The following PRKG1 variants were observed in gnomAD, a reference collection of about 807,000 sequenced individuals.
The protein encoded by PRKG1 is cGMP-dependent protein kinase 1.
Under a neutral mutation model 88.1 loss-of-function variants are expected in PRKG1, and 35 were observed. The observed-to-expected ratio is 0.40, with a 90% CI of 0.30 to 0.53. The LOEUF is 0.53. PRKG1 is among the 20% of genes least tolerant of loss of function. PRKG1 has a pLI of 0.59. For synonymous variants in PRKG1, 303 were observed against 292.5 expected (o/e 1.04, Z -0.37); for missense variants, 540 against 839.8 (o/e 0.64, Z 4.41).
At chr10:51,549,120 CTTTT>C (rs56045527) in intron 3 of PRKG1, among the ~76,000 whole-genome samples, 4 of 70,336 alleles carry the variant, frequency 5.7e-5, no homozygotes, top group Admixed American at 1.8e-4. Flanking sequence ...CTTTTCTTTT[CTTTT>C]TTTTTTTTTT....
intron 7 of PRKG1, among the ~76,000 whole-genome samples, chr10:52,121,270 T>A (rs1847814063): frequency 6.6e-6 from 1 of 152,282 alleles, no homozygotes; most frequent in South Asian, 2.1e-4. Context: ...CCTGAACATA[T>A]CTGAAATGCC....
At chr10:51,886,543 T>TA (rs1364889543) in intron 4 of PRKG1, among the ~76,000 whole-genome samples, 1 of 152,182 alleles carries the variant, frequency 6.6e-6, no homozygotes, top group African/African-American at 2.4e-5. Flanking sequence ...TCATTGAAGA[T>TA]ACAAGCTAAA....
intron 9 of PRKG1, among the ~76,000 whole-genome samples, chr10:52,212,454 A>G (rs1046967715): frequency 6.6e-6 from 1 of 152,328 alleles, no homozygotes. Flanking sequence ...TGTAACTACC[A>G]TCACAAACTT....
chr10:51,246,089 C>A lies in PRKG1; in HGVS notation c.478+92759C>A, dbSNP rs541042834. Among the ~76,000 whole-genome samples the A allele has an allele frequency of 6.2e-4, 95 of 152,142 alleles. No individual in the cohort carries two copies. In the South Asian group the frequency reaches 0.019, roughly 30 times the overall value. On this transcript the variant is annotated intron_variant, in intron 2 of 17. Transcript: ENST00000373980. ...TCAAAGGTTTTGAGGAAGGGAGCAGCAAATTCATAGCTATGCACCTACCAT... is the reference window on the plus strand; with the variant it reads ...TCAAAGGTTTTGAGGAAGGGAGCAGAAAATTCATAGCTATGCACCTACCAT...
At chr10:51,094,614 A>G (rs776148512) in intron 1 of PRKG1, among the ~76,000 whole-genome samples, 12 of 151,976 alleles carry the variant, frequency 7.9e-5, no homozygotes, top group Non-Finnish European at 1.6e-4. Flanking sequence ...TGTAACATCC[A>G]CTGGGGGTCT....
intron 2 of PRKG1, among the ~76,000 whole-genome samples, chr10:51,426,313 C>A (rs969982285): frequency 5.9e-5 from 9 of 151,870 alleles, no homozygotes; most frequent in African/African-American, 1.7e-4. Context: ...AGCAAACAAA[C>A]AAAAGACTTA....
intron 1 of PRKG1, among the ~76,000 whole-genome samples, chr10:51,125,407 G>A (rs1258782438): frequency 6.7e-6 from 1 of 150,112 alleles, no homozygotes; most frequent in African/African-American, 2.4e-5. Flanking sequence ...TAAAAATTTG[G>A]CCAGGCACAG....
intron 2 of PRKG1, among the ~76,000 whole-genome samples, chr10:51,172,322 G>A (rs145205623): frequency 6.6e-6 from 1 of 151,882 alleles, no homozygotes; most frequent in Non-Finnish European, 1.5e-5. Flanking sequence ...TTAAACAAAA[G>A]GGGCATAAGC....
At chr10:51,375,175 T>C (rs1842792558) in intron 2 of PRKG1, among the ~76,000 whole-genome samples, 1 of 152,350 alleles carries the variant, frequency 6.6e-6, no homozygotes, top group Middle Eastern at 3.4e-3. Flanking sequence ...TCAGGGGTCA[T>C]CTTAGAGTCT....
At position 52,295,728 on chromosome 10, in the gene PRKG1, A is replaced by T. The variant is rs1178378217; in HGVS notation, c.*1828A>T. On this transcript the variant is annotated 3_prime_UTR_variant, in exon 18 of 18. Transcript: ENST00000373980. ...CAATTAGATCATTACACCTTAACTA[A>T]GAAGGCAAATCTTATAAATTTTGCT... 6.6e-6 allele frequency: 1 copy of T among 152,008 alleles called. No homozygotes were observed. Among genetic ancestry groups the T allele is most frequent in the Non-Finnish European group, 1.5e-5 (1 of 67,914 alleles). 9.4% of individuals were successfully genotyped at this position (152,008 alleles called of 1,614,324 possible). A position where few individuals can be genotyped will look rare whatever the true frequency, so the allele number is the denominator to read the frequency against.
At chr10:51,021,911 C>T (rs894239408) in intron 1 of PRKG1, among the ~76,000 whole-genome samples, 37 of 152,052 alleles carry the variant, frequency 2.4e-4, no homozygotes, top group African/African-American at 8.2e-4. Flanking sequence ...GAACTCCTGA[C>T]CTCAGGCAAT....
At chr10:51,825,258 G>A (rs1277347876) in intron 4 of PRKG1, among the ~76,000 whole-genome samples, 1 of 152,118 alleles carries the variant, frequency 6.6e-6, no homozygotes, top group African/African-American at 2.4e-5. Context: ...GACCAACTAA[G>A]TATTTTTAGA....
intron 1 of PRKG1, among the ~76,000 whole-genome samples, chr10:51,150,379 T>C (rs9415732): frequency 0.014 from 2,160 of 152,190 alleles, 44 homozygotes; most frequent in African/African-American, 0.048. Flanking sequence ...GTCTATAATG[T>C]TGGAGAAAGT....
At chr10:51,293,882 CCAA>C (rs1466171078) in intron 2 of PRKG1, among the ~76,000 whole-genome samples, 1 of 152,072 alleles carries the variant, frequency 6.6e-6, no homozygotes, top group Admixed American at 6.6e-5. Context: ...CACAACCTCA[CCAA>C]CATTTCTGTC....
At chr10:51,007,891 T>A (rs1229467746) in intron 1 of PRKG1, among the ~76,000 whole-genome samples, 2 of 152,216 alleles carry the variant, frequency 1.3e-5, no homozygotes, top group African/African-American at 4.8e-5. Flanking sequence ...ATGAATTAAT[T>A]TGCTCTTCTC....
chr10:52,246,709 T>C (rs1024189566), intron 9 of PRKG1, among the ~76,000 whole-genome samples: 5 of 151,792 alleles, frequency 3.3e-5, no homozygotes, highest in Non-Finnish European at 7.4e-5. Flanking sequence ...AAACCCCATC[T>C]CTACTAAAAA....
intron 6 of PRKG1, among the ~76,000 whole-genome samples, chr10:52,061,461 A>C (rs80284358): frequency 0.02 from 3,010 of 152,182 alleles, 103 homozygotes; most frequent in African/African-American, 0.069. Context: ...ACACATAGAC[A>C]GTTTTGTGAA....
At chr10:51,959,015 C>T (rs763566329) in intron 5 of PRKG1, among the ~76,000 whole-genome samples, 1 of 152,134 alleles carries the variant, frequency 6.6e-6, no homozygotes, top group African/African-American at 2.4e-5. Context: ...AGTCTTGTGG[C>T]ATCTATTGTT....
At chr10:51,231,072 G>A (rs1838831830) in intron 2 of PRKG1, among the ~76,000 whole-genome samples, 1 of 152,116 alleles carries the variant, frequency 6.6e-6, no homozygotes, top group Admixed American at 6.6e-5. Context: ...AGCCCTTCTT[G>A]CTGGGAGTGA....
Sources: allele counts gnomAD v4.1 joint callset (sites outside exome capture counted in the v4.1 genomes callset), GRCh38; gene constraint gnomAD v4.1.1; transcripts MANE v1.5; gene names NCBI Gene and HGNC (gene_info 2026-07-23, HGNC 2026-07-21).